Variants in CACNB4 observed in about 807,000 individuals in gnomAD.
CACNB4 encodes calcium voltage-gated channel auxiliary subunit beta 4, also known as voltage-dependent L-type calcium channel subunit beta-4.
A neutral mutation model predicts 71.2 loss-of-function variants in CACNB4; 32 were observed. That is an observed-to-expected ratio of 0.45 (90% confidence interval 0.34 to 0.60). CACNB4 has a LOEUF of 0.60. Ranked by LOEUF, CACNB4 falls within the 20% of genes least tolerant of loss-of-function variation. CACNB4 has a pLI of 0.01. For synonymous variants in CACNB4, 231 were observed against 236.9 expected, an observed-to-expected ratio of 0.97 and a Z score of 0.23; for missense variants, 464 against 647.9, an observed-to-expected ratio of 0.72 and a Z score of 3.08.
chr2:151,993,150 TG>T (rs1233877653), intron 2 of CACNB4, among the ~76,000 whole-genome samples: 7 of 95,694 alleles, frequency 7.3e-5, no homozygotes, highest in Non-Finnish European at 1.5e-4. Context: ...CCACGTTTTT[TG>T]TTTTTTTTTT....
chr2:151,921,390 C>T (rs2099858979), intron 2 of CACNB4, among the ~76,000 whole-genome samples: 1 of 152,084 alleles, frequency 6.6e-6, no homozygotes, highest in African/African-American at 2.4e-5. Context: ...CCTCACTGAC[C>T]TTTCTTCATC....
At chr2:152,090,598 G>A (rs138279268) in intron 2 of CACNB4, among the ~76,000 whole-genome samples, 2,158 of 150,298 alleles carry the variant, frequency 0.014, 41 homozygotes, top group African/African-American at 0.039. Flanking sequence ...AGCCAAGATC[G>A]CGCCACTGCA....
intron 2 of CACNB4, among the ~76,000 whole-genome samples, chr2:152,065,584 A>T (rs1176031116): frequency 6.6e-6 from 1 of 152,178 alleles, no homozygotes; most frequent in African/African-American, 2.4e-5. Context: ...ACACAGGACA[A>T]ATTCAGGCTC....
At chr2:152,084,822 G>C (rs192617244) in intron 2 of CACNB4, among the ~76,000 whole-genome samples, 1 of 151,574 alleles carries the variant, frequency 6.6e-6, no homozygotes, top group Non-Finnish European at 1.5e-5. Context: ...ACAGGATCTT[G>C]ATATGTTGCC....
intron 2 of CACNB4, among the ~76,000 whole-genome samples, chr2:152,095,346 C>T (rs548852204): frequency 6.6e-6 from 1 of 152,256 alleles, no homozygotes; most frequent in South Asian, 2.1e-4. Context: ...AACTTTTTAA[C>T]AAGCTCAAAG....
rs572386815 is a variant in CACNB4 at position 151,997,508 on chromosome 2, T to G, written c.147+100822A>C. 3.3e-3 allele frequency among the ~76,000 whole-genome samples: 496 copies of G among 150,490 alleles called. 2 individuals are homozygous for G. The highest frequency in any genetic ancestry group is 5.2e-3 in the Non-Finnish European group (353 of 67,546). The stretch of plus-strand genomic sequence containing the variant: ...GAGATCGCGCCACTGCACTCCAGCC[T>G]GGGAGACAGAGTGAGACTCTGTCTC... On this transcript the variant is annotated intron_variant, in intron 2 of 13. Transcript: ENST00000539935.
At chr2:151,925,675 A>G (rs1401848538) in intron 2 of CACNB4, among the ~76,000 whole-genome samples, 1 of 142,776 alleles carries the variant, frequency 7.0e-6, no homozygotes. Flanking sequence ...AAATATAGGG[A>G]TAGAAAAGAG....
intron 4 of CACNB4, chr2:151,879,521 G>T (rs1432765813): frequency 6.6e-6 from 1 of 152,068 alleles, no homozygotes. Flanking sequence ...GGATGAGAGG[G>T]AAGGCTATAA....
chr2:152,065,487 C>A (rs1686264633), intron 2 of CACNB4, among the ~76,000 whole-genome samples: 2 of 152,084 alleles, frequency 1.3e-5, no homozygotes, highest in South Asian at 4.2e-4. Context: ...GGATCACCCC[C>A]GCCCACTGAA....
intron 2 of CACNB4, among the ~76,000 whole-genome samples, chr2:152,051,542 C>T (rs557617971): frequency 1.3e-5 from 2 of 152,080 alleles, no homozygotes; most frequent in Non-Finnish European, 2.9e-5. Flanking sequence ...TAGCGTCCTT[C>T]TAAGAAGAGA....
At chr2:151,967,391 A>C (rs2099871425) in intron 2 of CACNB4, 1 of 152,010 alleles carries the variant, frequency 6.6e-6, no homozygotes, top group African/African-American at 2.4e-5. Flanking sequence ...ATTATACTAC[A>C]ACATTTTTTC....
intron 2 of CACNB4, among the ~76,000 whole-genome samples, chr2:152,093,693 T>C (rs1321655562): frequency 6.6e-6 from 1 of 152,154 alleles, no homozygotes; most frequent in Non-Finnish European, 1.5e-5. Context: ...ACTGAGCCGC[T>C]GCCAAAAGCT....
chr2:151,973,954 C>G, intron 2 of CACNB4: 1 of 1,259,608 alleles, frequency 7.9e-7, no homozygotes, highest in Non-Finnish European at 1.0e-6. Flanking sequence ...AAGCAAAACC[C>G]TTCCTCAACC....
chr2:151,888,570 A>C (rs2099849947), intron 2 of CACNB4, among the ~76,000 whole-genome samples: 1 of 152,152 alleles, frequency 6.6e-6, no homozygotes, highest in East Asian at 1.9e-4. Context: ...GTCTCAAAAA[A>C]ATAAATAAAT....
intron 2 of CACNB4, among the ~76,000 whole-genome samples, chr2:152,014,169 A>C (rs2105082747): frequency 6.6e-6 from 1 of 152,274 alleles, no homozygotes; most frequent in East Asian, 1.9e-4. Flanking sequence ...CAACATGGTG[A>C]AACCCCATCT....
intron 2 of CACNB4, among the ~76,000 whole-genome samples, chr2:151,896,999 G>A (rs2099852257): frequency 6.6e-6 from 1 of 152,188 alleles, no homozygotes; most frequent in Non-Finnish European, 1.5e-5. Context: ...CCCAGCAGAA[G>A]TGTTGGTAGG....
chr2:152,075,674 C>T (rs1686970752), intron 2 of CACNB4, among the ~76,000 whole-genome samples: 1 of 152,206 alleles, frequency 6.6e-6, no homozygotes, highest in South Asian at 2.1e-4. Flanking sequence ...GCCACACACA[C>T]AGACTCCTGC....
intron 5 of CACNB4, chr2:151,873,233 C>T (rs149752206): frequency 1.3e-5 from 2 of 152,284 alleles, no homozygotes; most frequent in African/African-American, 4.8e-5. Flanking sequence ...GAGTCATATA[C>T]TAGTAGGACA....
chr2:151,850,003 G>C (rs548779741), intron 12 of CACNB4, among the ~76,000 whole-genome samples: 2 of 152,176 alleles, frequency 1.3e-5, no homozygotes, highest in South Asian at 4.2e-4. Flanking sequence ...TTGCAAAGGA[G>C]TCTATATAGC....
Sources: gnomAD v4.1 joint callset for allele counts (sites outside exome capture counted in the v4.1 genomes callset) on GRCh38, gnomAD v4.1.1 for gene constraint, MANE v1.5 for transcripts, NCBI Gene and HGNC (gene_info 2026-07-23, HGNC 2026-07-21) for gene names.